Variants in LHX8 observed in about 807,000 individuals in gnomAD.
LHX8 encodes LIM homeobox 8.
In LHX8, 12 loss-of-function variants were observed where a neutral mutation model predicts 40.3. The observed-to-expected ratio is 0.30, with a 90% CI of 0.19 to 0.48. LHX8 has a LOEUF of 0.48. Among genes scored for constraint, LHX8 ranks in the 20% least tolerant of loss-of-function variants. The pLI is 0.99. For missense variants in LHX8, 344 were observed against 433.7 expected (o/e 0.79, Z 1.84); for synonymous variants, 179 against 162.0 (o/e 1.10, Z -0.80).
Position 75,156,887 on chromosome 1 carries a change from G to A in LHX8, c.781-6G>A. On this transcript the variant is annotated splice_region_variant and splice_polypyrimidine_tract_variant and intron_variant, in intron 7 of 8. Transcript: ENST00000356261. ...ACCTACTTCTGTTGCTTTTCTCCCT[G>A]CTCAGGTGTGGTTTCAGAATTGTAG... 6.2e-7 allele frequency: 1 copy of A among 1,614,140 alleles called. No homozygotes were observed. Among genetic ancestry groups the A allele is most frequent in the African/African-American group, 1.3e-5 (1 of 75,042 alleles).
chr1:75,130,639 C>G (rs1036953886), upstream of LHX8: 2 of 1,292,758 alleles, frequency 1.5e-6, no homozygotes, highest in Non-Finnish European at 1.1e-6. Flanking sequence ...CTGTGGGTAG[C>G]AAGGTATAAA....
intron 4 of LHX8, among the ~76,000 whole-genome samples, chr1:75,141,748 T>A (rs1648316603): frequency 6.6e-6 from 1 of 152,182 alleles, no homozygotes; most frequent in African/African-American, 2.4e-5. Context: ...GGTATAATTC[T>A]GTATGAACAG....
At chr1:75,132,955 T>G (rs1256162482), upstream of LHX8, 1 of 152,044 alleles carries the variant, frequency 6.6e-6, no homozygotes, top group Non-Finnish European at 1.5e-5. Context: ...TATGTGAATT[T>G]CTCCACCACC....
chr1:75,149,069 A>G (rs1400815359), intron 7 of LHX8, among the ~76,000 whole-genome samples: 1 of 152,186 alleles, frequency 6.6e-6, no homozygotes, highest in East Asian at 1.9e-4. Context: ...TTCATTCAGT[A>G]CTCACAGCAA....
chr1:75,137,791 C>G (rs1308985827), intron 3 of LHX8, among the ~76,000 whole-genome samples: 1 of 152,136 alleles, frequency 6.6e-6, no homozygotes, highest in African/African-American at 2.4e-5. Flanking sequence ...CTTAAAGGAT[C>G]TTTTCTGGAC....
chr1:75,163,079 A>G (rs1302524086), downstream of LHX8, among the ~76,000 whole-genome samples: 1 of 151,426 alleles, frequency 6.6e-6, no homozygotes, highest in Non-Finnish European at 1.5e-5. Flanking sequence ...TGGAAGTCAC[A>G]CTAAGTCAAT....
intron 3 of LHX8, among the ~76,000 whole-genome samples, chr1:75,139,222 G>A (rs1268949605): frequency 1.3e-5 from 2 of 152,118 alleles, no homozygotes; most frequent in Admixed American, 6.5e-5. Context: ...TAGTTTTTCT[G>A]GCTTGGTCCA....
At chr1:75,199,444 G>A in the LHX8 span, among the ~76,000 whole-genome samples, 5 of 152,244 alleles carry the variant, frequency 3.3e-5, no homozygotes, top group East Asian at 9.7e-4. Context: ...TTTCTCTTTT[G>A]ATAAACTTTT....
Position 75,140,923 on chromosome 1 carries a change from C to T in LHX8, c.238-62C>T, listed in dbSNP as rs138130176. 31 of 1,576,772 alleles carry T rather than the reference C, an allele frequency of 2.0e-5. No individual in the cohort carries two copies. In the East Asian group the frequency reaches 5.8e-4, roughly 30 times the overall value. ...GGCCAGTTTTTTAAATTGCCCAATA[C>T]ACAAAACCAATGAATACTTTTCTTA... On this transcript the variant is annotated intron_variant, in intron 3 of 8. Transcript: ENST00000356261.
intron 3 of LHX8, among the ~76,000 whole-genome samples, chr1:75,140,491 C>T (rs982581825): frequency 2.0e-5 from 3 of 152,118 alleles, no homozygotes; most frequent in African/African-American, 7.2e-5. Context: ...TATAAACCTG[C>T]ATTTTCACTT....
chr1:75,160,162 A>G (rs1033147153), intron 8 of LHX8: 1 of 152,258 alleles, frequency 6.6e-6, no homozygotes, highest in Non-Finnish European at 1.5e-5. Flanking sequence ...GGGACTTTGT[A>G]AGTCCTCACT....
chr1:75,184,422 TTCA>T, the LHX8 span, among the ~76,000 whole-genome samples: 2 of 152,032 alleles, frequency 1.3e-5, no homozygotes, highest in Non-Finnish European at 2.9e-5. Context: ...CAAACACACT[TTCA>T]AACCATAATG....
At chr1:75,187,814 G>T in the LHX8 span, among the ~76,000 whole-genome samples, 3 of 152,142 alleles carry the variant, frequency 2.0e-5, no homozygotes, top group East Asian at 5.8e-4. Flanking sequence ...AAAAGAAGCT[G>T]AAGGAAGATT....
downstream of LHX8, among the ~76,000 whole-genome samples, chr1:75,161,817 T>C (rs181453543): frequency 5.3e-3 from 809 of 152,186 alleles, 5 homozygotes; most frequent in African/African-American, 0.019. Context: ...TGGGCCATAA[T>C]ATATTTCTTC....
upstream of LHX8, among the ~76,000 whole-genome samples, chr1:75,134,118 G>T (rs531811255): frequency 6.6e-6 from 1 of 152,186 alleles, no homozygotes; most frequent in South Asian, 2.1e-4. Flanking sequence ...GAATTTAAAA[G>T]TTATGGCAAA....
chr1:75,175,969 G>A, the LHX8 span, among the ~76,000 whole-genome samples: 7 of 152,222 alleles, frequency 4.6e-5, no homozygotes, highest in East Asian at 1.4e-3. Context: ...ATGGTTTCCA[G>A]CTTCATCCAT....
intron 4 of LHX8, among the ~76,000 whole-genome samples, chr1:75,142,124 T>G (rs1384584072): frequency 6.6e-6 from 1 of 152,298 alleles, no homozygotes; most frequent in East Asian, 1.9e-4. Context: ...TAATTTTTGG[T>G]AGTAACTTAA....
chr1:75,137,169 C>T lies in LHX8; in HGVS notation c.145C>T (p.Pro49Ser), dbSNP rs755492871. Residue 49 changes from proline to serine, a missense_variant, in exon 3 of 9, where the codon CCC (proline) becomes TCC (serine). Coordinates refer to ENST00000356261, the MANE Select transcript of LHX8 (RefSeq NM_001256114.2). ...SSAPLSPSSS[P>S]RSMASGSGCP... is the part of the protein sequence containing the mutation. ...GGCCCCGCTGTCCCCGTCGTCCTCG[C>T]CCCGGTCCATGGCCTCGGGCTCCGG... The T allele has an allele frequency of 6.2e-7, 1 of 1,613,392 alleles. No homozygotes were observed. Among genetic ancestry groups the T allele is most frequent in the Non-Finnish European group, 8.5e-7 (1 of 1,179,884 alleles).
the LHX8 span, among the ~76,000 whole-genome samples, chr1:75,197,816 T>C: frequency 6.6e-6 from 1 of 152,022 alleles, no homozygotes; most frequent in Non-Finnish European, 1.5e-5. Context: ...AAAAAGTCTT[T>C]CCACTGACCT....
Sources: gnomAD v4.1 joint callset for allele counts (sites outside exome capture counted in the v4.1 genomes callset) on GRCh38, gnomAD v4.1.1 for gene constraint, MANE v1.5 for transcripts, NCBI Gene and HGNC (gene_info 2026-07-23, HGNC 2026-07-21) for gene names.